Variants in C1QTNF3 observed in about 807,000 individuals in gnomAD.
C1QTNF3 encodes C1q and TNF related 3, also known as complement C1q tumor necrosis factor-related protein 3.
A neutral mutation model predicts 32.6 loss-of-function variants in C1QTNF3; 26 were observed. The ratio of observed to expected loss-of-function variants is 0.80; its 90% CI spans 0.58 to 1.11. C1QTNF3 has a LOEUF of 1.11. Ranked by LOEUF, C1QTNF3 falls within the 50% of genes least tolerant of loss-of-function variation. C1QTNF3 has a pLI of 0.00. For missense variants in C1QTNF3, 362 were observed against 398.2 expected, an observed-to-expected ratio of 0.91 and a Z score of 0.77; for synonymous variants, 155 against 146.0, an observed-to-expected ratio of 1.06 and a Z score of -0.44.
the C1QTNF3 span, among the ~76,000 whole-genome samples, chr5:34,162,862 A>C: frequency 3.9e-5 from 6 of 152,162 alleles, no homozygotes; most frequent in Non-Finnish European, 7.4e-5. Context: ...AAATTGTTTT[A>C]ATTGAGAAAA....
chr5:34,201,057 T>C, the C1QTNF3 span: 1 of 152,234 alleles, frequency 6.6e-6, no homozygotes, highest in East Asian at 1.9e-4. Context: ...AACTCTTCTA[T>C]GTGGTGATGC....
the C1QTNF3 span, chr5:34,193,715 T>C: frequency 7.9e-4 from 449 of 571,412 alleles, no homozygotes; most frequent in Non-Finnish European, 1.0e-3. Flanking sequence ...GTCAATTTTA[T>C]ACAATAAAAG....
the C1QTNF3 span, among the ~76,000 whole-genome samples, chr5:34,134,907 C>T: frequency 2.6e-5 from 4 of 152,106 alleles, no homozygotes; most frequent in African/African-American, 7.2e-5. Flanking sequence ...ATTGAATACC[C>T]TTTATTTCTT....
chr5:34,213,790 TA>T, the C1QTNF3 span, among the ~76,000 whole-genome samples: 5 of 10,292 alleles, frequency 4.9e-4, no homozygotes, highest in Non-Finnish European at 5.9e-4. Context: ...TATATACATA[TA>T]TATATATATA....
At chr5:34,048,285 T>TGTGTGTGTGTGC in the C1QTNF3 span, among the ~76,000 whole-genome samples, 799 of 98,462 alleles carry the variant, frequency 8.1e-3, 11 homozygotes, top group African/African-American at 0.027. Context: ...TGTGTGTGTG[T>TGTGTGTGTGTGC]GCATGAGAGA....
the C1QTNF3 span, among the ~76,000 whole-genome samples, chr5:34,049,264 C>G: frequency 6.6e-6 from 1 of 152,172 alleles, no homozygotes; most frequent in Non-Finnish European, 1.5e-5. Flanking sequence ...GCAGTTCCCC[C>G]TCCTCAGAAG....
chr5:34,056,238 G>A, the C1QTNF3 span, among the ~76,000 whole-genome samples: 1 of 151,748 alleles, frequency 6.6e-6, no homozygotes, highest in East Asian at 1.9e-4. Flanking sequence ...GGGAAAAAAA[G>A]GGGAGTGAGG....
chr5:34,177,282 C>T, the C1QTNF3 span, among the ~76,000 whole-genome samples: 1 of 152,150 alleles, frequency 6.6e-6, no homozygotes, highest in Non-Finnish European at 1.5e-5. Flanking sequence ...GCTACCATTT[C>T]AGACAGTGCA....
chr5:34,036,934 A>T (rs1027522273), intron 1 of C1QTNF3, among the ~76,000 whole-genome samples: 19 of 152,166 alleles, frequency 1.2e-4, no homozygotes, highest in African/African-American at 4.6e-4. Flanking sequence ...CCTGGGCGAC[A>T]AGAGCAAGAC....
the C1QTNF3 span, among the ~76,000 whole-genome samples, chr5:34,210,510 A>AT: frequency 0.085 from 12,310 of 145,196 alleles, 794 homozygotes; most frequent in East Asian, 0.31. Flanking sequence ...TGCTCACATA[A>AT]TTTTTTTTTT....
At chr5:34,204,459 G>A in the C1QTNF3 span, among the ~76,000 whole-genome samples, 1 of 152,122 alleles carries the variant, frequency 6.6e-6, no homozygotes, top group Non-Finnish European at 1.5e-5. Flanking sequence ...GGATGTAACT[G>A]GTCATTATTT....
the C1QTNF3 span, among the ~76,000 whole-genome samples, chr5:34,107,589 A>G: frequency 1.3e-5 from 2 of 152,056 alleles, no homozygotes. Context: ...TAAGAAAATT[A>G]GCAACAACAG....
the C1QTNF3 span, among the ~76,000 whole-genome samples, chr5:34,120,425 A>C: frequency 6.6e-6 from 1 of 152,174 alleles, no homozygotes; most frequent in Non-Finnish European, 1.5e-5. Context: ...TTTGAAAAAA[A>C]GGCAAATGGA....
chr5:34,032,934 T>G, intron 3 of C1QTNF3: 1 of 178,794 alleles, frequency 5.6e-6, no homozygotes. Context: ...CATCATTCCA[T>G]TTATATACTT....
chr5:34,166,685 A>G, the C1QTNF3 span: 29 of 152,170 alleles, frequency 1.9e-4, no homozygotes, highest in Non-Finnish European at 2.8e-4. Flanking sequence ...AAAGATTCCC[A>G]TATTTCCATC....
chr5:34,081,673 CAG>C, the C1QTNF3 span, among the ~76,000 whole-genome samples: 72 of 150,340 alleles, frequency 4.8e-4, 1 homozygote, highest in African/African-American at 1.6e-3. Context: ...AAAAAAAAAA[CAG>C]GGGAATTTAA....
the C1QTNF3 span, among the ~76,000 whole-genome samples, chr5:34,120,748 G>T: frequency 7.9e-5 from 12 of 152,234 alleles, no homozygotes; most frequent in African/African-American, 2.9e-4. Flanking sequence ...CACCATCATT[G>T]TGAGGCCTCC....
the C1QTNF3 span, among the ~76,000 whole-genome samples, chr5:34,219,537 A>C: frequency 6.6e-6 from 1 of 151,964 alleles, no homozygotes; most frequent in African/African-American, 2.4e-5. Flanking sequence ...AGTCACATGA[A>C]CGAGTACTTT....
chr5:34,025,599 T>C (rs1418596651), intron 4 of C1QTNF3, among the ~76,000 whole-genome samples: 2 of 152,262 alleles, frequency 1.3e-5, no homozygotes, highest in East Asian at 1.9e-4. Flanking sequence ...ACTCCCAAAG[T>C]TGAAAAGGAC....
Sources: allele counts gnomAD v4.1 joint callset (sites outside exome capture counted in the v4.1 genomes callset), GRCh38; gene constraint gnomAD v4.1.1; transcripts MANE v1.5; gene names NCBI Gene and HGNC (gene_info 2026-07-23, HGNC 2026-07-21).